The following SCPPPQ1 variants were observed in gnomAD, a reference collection of about 807,000 sequenced individuals.
SCPPPQ1 encodes the protein secretory calcium-binding phosphoprotein proline-glutamine rich 1.
chr4:87,466,754 G>A, the SCPPPQ1 span, among the ~76,000 whole-genome samples: 1 of 152,154 alleles, frequency 6.6e-6, no homozygotes, highest in African/African-American at 2.4e-5. Flanking sequence ...TGGGCATGGT[G>A]GTGTGCACCT....
At chr4:87,470,547 A>G in the SCPPPQ1 span, among the ~76,000 whole-genome samples, 15 of 152,218 alleles carry the variant, frequency 9.9e-5, no homozygotes, top group African/African-American at 3.4e-4. Flanking sequence ...AAGGAAATCA[A>G]CTGGCCTTTT....
At chr4:87,463,097 T>C in the SCPPPQ1 span, among the ~76,000 whole-genome samples, 1 of 152,250 alleles carries the variant, frequency 6.6e-6, no homozygotes, top group Non-Finnish European at 1.5e-5. Context: ...AAGGACATTA[T>C]TAAAAAATAC....
chr4:87,463,930 TG>T, the SCPPPQ1 span, among the ~76,000 whole-genome samples: 1 of 152,218 alleles, frequency 6.6e-6, no homozygotes, highest in Non-Finnish European at 1.5e-5. Context: ...CTCAAGAAAT[TG>T]ACCAACTCCG....
At chr4:87,463,136 A>T in the SCPPPQ1 span, among the ~76,000 whole-genome samples, 1 of 152,186 alleles carries the variant, frequency 6.6e-6, no homozygotes, top group Non-Finnish European at 1.5e-5. Context: ...ATTTTGATGT[A>T]AAGATTTTGG....
At chr4:87,466,678 A>G in the SCPPPQ1 span, among the ~76,000 whole-genome samples, 1 of 152,156 alleles carries the variant, frequency 6.6e-6, no homozygotes, top group South Asian at 2.1e-4. Flanking sequence ...TCATGTTTGT[A>G]TATTTAAAAA....
the SCPPPQ1 span, among the ~76,000 whole-genome samples, chr4:87,465,708 T>C: frequency 6.6e-6 from 1 of 152,196 alleles, no homozygotes; most frequent in African/African-American, 2.4e-5. Flanking sequence ...GCAATTATTC[T>C]ATATCTAGGG....
At chr4:87,467,542 C>T in the SCPPPQ1 span, among the ~76,000 whole-genome samples, 7 of 152,142 alleles carry the variant, frequency 4.6e-5, no homozygotes, top group Non-Finnish European at 4.4e-5. Context: ...AGAGTAAGCT[C>T]GTAACGGTCA....
At chr4:87,462,344 C>CTGTA in the SCPPPQ1 span, 1 of 152,220 alleles carries the variant, frequency 6.6e-6, no homozygotes, top group Non-Finnish European at 1.5e-5. Flanking sequence ...TTCTCCAAGG[C>CTGTA]TGTAGTACAT....
At chr4:87,463,140 A>G in the SCPPPQ1 span, among the ~76,000 whole-genome samples, 8 of 152,262 alleles carry the variant, frequency 5.3e-5, no homozygotes, top group African/African-American at 1.9e-4. Context: ...TGATGTAAAG[A>G]TTTTGGAGGA....
At chr4:87,469,904 T>C in the SCPPPQ1 span, among the ~76,000 whole-genome samples, 3 of 151,716 alleles carry the variant, frequency 2.0e-5, no homozygotes, top group Non-Finnish European at 2.9e-5. Flanking sequence ...ACACTGTACA[T>C]GTTTGGTCCC....
chr4:87,461,615 A>G, the SCPPPQ1 span, among the ~76,000 whole-genome samples: 4 of 152,350 alleles, frequency 2.6e-5, no homozygotes, highest in South Asian at 6.2e-4. Flanking sequence ...AAACTCAAAT[A>G]GAAGGATATG....
the SCPPPQ1 span, among the ~76,000 whole-genome samples, chr4:87,464,071 T>C: frequency 1.3e-5 from 2 of 152,216 alleles, no homozygotes; most frequent in East Asian, 1.9e-4. Flanking sequence ...GCGTTTGTTC[T>C]GTTAGGGTGC....
the SCPPPQ1 span, among the ~76,000 whole-genome samples, chr4:87,465,559 C>CCAAA: frequency 4.1e-5 from 4 of 98,310 alleles, no homozygotes; most frequent in African/African-American, 1.8e-4. Flanking sequence ...TAGAAATCTA[C>CCAAA]AAAAAAAAAA....
At chr4:87,465,009 AC>A in the SCPPPQ1 span, among the ~76,000 whole-genome samples, 1 of 152,216 alleles carries the variant, frequency 6.6e-6, no homozygotes, top group Admixed American at 6.5e-5. Context: ...CATGACTGTA[AC>A]CTTAAATCTA....
the SCPPPQ1 span, among the ~76,000 whole-genome samples, chr4:87,464,375 A>G: frequency 6.7e-6 from 1 of 149,612 alleles, no homozygotes; most frequent in Non-Finnish European, 1.5e-5. Flanking sequence ...CCCCCCCCCA[A>G]CCCCAAACCT....
chr4:87,470,450 C>G, the SCPPPQ1 span, among the ~76,000 whole-genome samples: 1 of 151,836 alleles, frequency 6.6e-6, no homozygotes, highest in Non-Finnish European at 1.5e-5. Context: ...TTATAGTTCT[C>G]GGGAAGGAAA....
the SCPPPQ1 span, among the ~76,000 whole-genome samples, chr4:87,470,748 C>T: frequency 2.0e-5 from 3 of 152,184 alleles, no homozygotes; most frequent in Non-Finnish European, 2.9e-5. Flanking sequence ...CTATAAATCA[C>T]ACTTCATCTG....
At chr4:87,466,874 T>C in the SCPPPQ1 span, among the ~76,000 whole-genome samples, 1 of 152,116 alleles carries the variant, frequency 6.6e-6, no homozygotes, top group Non-Finnish European at 1.5e-5. Flanking sequence ...ATAAGGGGTA[T>C]GTGAAGTTTT....
At chr4:87,463,036 T>A in the SCPPPQ1 span, among the ~76,000 whole-genome samples, 1 of 151,676 alleles carries the variant, frequency 6.6e-6, no homozygotes, top group African/African-American at 2.4e-5. Flanking sequence ...CTTTGTTGTT[T>A]GAAATTTCAT....
Sources: gnomAD v4.1 joint callset for allele counts (sites outside exome capture counted in the v4.1 genomes callset) on GRCh38, gnomAD v4.1.1 for gene constraint, MANE v1.5 for transcripts, NCBI Gene and HGNC (gene_info 2026-07-23, HGNC 2026-07-21) for gene names.